The following CUL5 variants were observed in gnomAD, a reference collection of about 807,000 sequenced individuals.
CUL5 encodes cullin-5.
A neutral mutation model predicts 108.8 loss-of-function variants in CUL5; 26 were observed. The observed-to-expected ratio is 0.24, with a 90% CI of 0.18 to 0.33. CUL5 has a LOEUF of 0.33. Ranked by LOEUF, CUL5 falls within the 10% of genes least tolerant of loss-of-function variation. CUL5 has a pLI of 1.00. For missense variants in CUL5, 524 were observed against 909.2 expected, an observed-to-expected ratio of 0.58 and a Z score of 5.45; for synonymous variants, 334 against 298.0, an observed-to-expected ratio of 1.12 and a Z score of -1.25.
Position 108,009,199 on chromosome 11 carries a change from G to C in CUL5, c.-150G>C. 1 of 740,304 alleles carries C rather than the reference G, an allele frequency of 1.4e-6. No individual in the cohort carries two copies. Among genetic ancestry groups the C allele is most frequent in the Non-Finnish European group, 2.3e-6 (1 of 436,462 alleles). The allele number at this position is 740,304 out of a possible 1,614,324, so 45.9% of individuals were successfully genotyped here. A position where few individuals can be genotyped will look rare whatever the true frequency, so the allele number is the denominator to read the frequency against. ...GCTCCTGGTGCTTGGGACGAGGTCA[G>C]CGCTGTCGGCGCGCTGCTCCAGCGC... On this transcript the variant is annotated 5_prime_UTR_variant, in exon 1 of 19. Transcript: ENST00000393094.
At position 108,050,065 on chromosome 11, in the gene CUL5, A is replaced by G; in HGVS notation, c.410A>G (p.Lys137Arg). The G allele has an allele frequency of 6.3e-7, 1 of 1,585,830 alleles. No homozygotes were observed. The highest frequency in any genetic ancestry group is 1.2e-5 in the South Asian group (1 of 86,638). Reference sequence around the variant, plus strand: ...AATGTGGAAGACAGTATTGTTCGAAAGGTAAGACTATTTTTCTCCTTGTTT... The same window carrying G: ...AATGTGGAAGACAGTATTGTTCGAAGGGTAAGACTATTTTTCTCCTTGTTT... ...KSNVEDSIVR[K>R]LMLDTWNESI... is the part of the protein sequence containing the mutation. The change falls in exon 4 of 19, where the codon AAG (lysine) becomes AGG (arginine). Residue 137 changes from lysine (K) to arginine (R), a missense_variant and splice_region_variant. Lys to Arg is a conservative substitution (Grantham distance 26). Transcript: ENST00000393094.
At chr11:108,060,997 A>G (rs1186598215) in intron 7 of CUL5, among the ~76,000 whole-genome samples, 2 of 152,206 alleles carry the variant, frequency 1.3e-5, no homozygotes, top group African/African-American at 4.8e-5. Flanking sequence ...AGAGGAGGTT[A>G]AAACATCAAG....
chr11:108,090,067 T>C (rs1864313689), intron 13 of CUL5, among the ~76,000 whole-genome samples: 1 of 151,924 alleles, frequency 6.6e-6, no homozygotes, highest in African/African-American at 2.4e-5. Context: ...CCATCAATTA[T>C]ATAAAATAAA....
At chr11:108,028,666 GTC>G (rs758454936) in intron 1 of CUL5, among the ~76,000 whole-genome samples, 3 of 151,914 alleles carry the variant, frequency 2.0e-5, no homozygotes, top group Non-Finnish European at 2.9e-5. Context: ...GTGAAACCCC[GTC>G]TCTACTAAAA....
intron 4 of CUL5, among the ~76,000 whole-genome samples, chr11:108,051,130 A>T (rs1443120110): frequency 6.6e-6 from 1 of 152,208 alleles, no homozygotes; most frequent in Non-Finnish European, 1.5e-5. Flanking sequence ...TCTGATGTTG[A>T]CAGGGATACT....
intron 1 of CUL5, among the ~76,000 whole-genome samples, chr11:108,029,119 T>C (rs1306620561): frequency 6.6e-6 from 1 of 152,178 alleles, no homozygotes; most frequent in Non-Finnish European, 1.5e-5. Flanking sequence ...CATTGTCAAC[T>C]CCCTGTTGGC....
intron 18 of CUL5, among the ~76,000 whole-genome samples, chr11:108,100,884 C>G (rs576474186): frequency 6.6e-6 from 1 of 152,052 alleles, no homozygotes; most frequent in Non-Finnish European, 1.5e-5. Context: ...AAAAAACTAG[C>G]CAGGTGTAGT....
chr11:108,017,318 A>C (rs570616629), intron 1 of CUL5, among the ~76,000 whole-genome samples: 1 of 143,600 alleles, frequency 7.0e-6, no homozygotes, highest in South Asian at 2.3e-4. Flanking sequence ...TGAGCCCAGG[A>C]GGTTGAGGCT....
chr11:108,085,427 G>C lies in CUL5; in HGVS notation c.1179-3100G>C, dbSNP rs78649925. On this transcript the variant is annotated intron_variant, in intron 11 of 18. Transcript: ENST00000393094. ...TAAAAGTTACCAGGGGATGGGGAAG[G>C]GGGGGATGGGAAGTTACTGTTCCAT... 4.4e-3 allele frequency among the ~76,000 whole-genome samples: 670 copies of C among 152,158 alleles called. 4 individuals carry two copies. Among genetic ancestry groups the C allele is most frequent in the Non-Finnish European group, 6.5e-3 (444 of 68,002 alleles).
At chr11:108,101,413 T>A (rs899219985) in intron 18 of CUL5, among the ~76,000 whole-genome samples, 1 of 152,228 alleles carries the variant, frequency 6.6e-6, no homozygotes, top group Non-Finnish European at 1.5e-5. Context: ...GCAGATGAAT[T>A]TATGGTTCAT....
In CUL5 at chr11:108,107,374, C is replaced by G. The variant is rs1227321396; in HGVS notation, c.*2990C>G. 6.6e-6 allele frequency: 1 copy of G among 152,518 alleles called. No homozygotes were observed. Among genetic ancestry groups the G allele is most frequent in the Non-Finnish European group, 1.5e-5 (1 of 68,002 alleles). 9.4% of individuals were successfully genotyped at this position (152,518 alleles called of 1,614,324 possible). ...AACTTCAGTCTGGGTGAAAGATTTG[C>G]TAGTTTTACAGAAAGATTTGCTATC... On this transcript the variant is annotated 3_prime_UTR_variant, in exon 19 of 19. Transcript: ENST00000393094.
chr11:108,068,366 T>C (rs1480732966), intron 7 of CUL5, among the ~76,000 whole-genome samples: 1 of 152,128 alleles, frequency 6.6e-6, no homozygotes, highest in Non-Finnish European at 1.5e-5. Flanking sequence ...TCGCCCAGAC[T>C]ACACTGCAGT....
chr11:108,095,941 C>A (rs908598250), intron 16 of CUL5, among the ~76,000 whole-genome samples: 3 of 150,956 alleles, frequency 2.0e-5, no homozygotes. Flanking sequence ...ACTAAAAATA[C>A]AAAAATTAGC....
chr11:108,054,628 TTTA>T lies in CUL5; in HGVS notation c.554-16_554-14del, dbSNP rs1271910381. 17 of 1,501,880 alleles carry T rather than the reference TTTA, an allele frequency of 1.1e-5. No individual in the cohort carries two copies. Among genetic ancestry groups the T allele is most frequent in the Non-Finnish European group, 1.6e-5 (17 of 1,095,356 alleles). The allele number at this position is 1,501,880 out of a possible 1,614,324, so 93.0% of individuals were successfully genotyped here. A position where few individuals can be genotyped will look rare whatever the true frequency, so the allele number is the denominator to read the frequency against. The stretch of plus-strand genomic sequence containing the variant: ...ATTTTGATCATAATTGGAGTAATAC[TTTA>T]TTTTCTGTTTTTCAGTTAACCTTTG... On this transcript the variant is annotated splice_polypyrimidine_tract_variant and intron_variant, in intron 5 of 18. Coordinates refer to ENST00000393094, the MANE Select transcript of CUL5 (RefSeq NM_003478.6).
At chr11:108,044,823 G>A (rs1863027455) in intron 2 of CUL5, among the ~76,000 whole-genome samples, 1 of 151,610 alleles carries the variant, frequency 6.6e-6, no homozygotes, top group Non-Finnish European at 1.5e-5. Context: ...GTTCATTGGT[G>A]CCATCTTGGC....
chr11:108,065,761 A>AT (rs1863661705), intron 7 of CUL5, among the ~76,000 whole-genome samples: 1 of 152,150 alleles, frequency 6.6e-6, no homozygotes, highest in African/African-American at 2.4e-5. Flanking sequence ...ACCAGGTACT[A>AT]TGAGTGCCCA....
intron 13 of CUL5, among the ~76,000 whole-genome samples, chr11:108,089,881 A>T (rs535175729): frequency 3.9e-5 from 6 of 151,974 alleles, no homozygotes; most frequent in Admixed American, 3.9e-4. Flanking sequence ...CTCTACTAAA[A>T]ATACAAAAAT....
intron 3 of CUL5, among the ~76,000 whole-genome samples, chr11:108,047,289 T>C (rs1319613900): frequency 6.6e-6 from 1 of 152,054 alleles, no homozygotes; most frequent in African/African-American, 2.4e-5. Context: ...TGCACTCAGC[T>C]TGGGCAGCAG....
chr11:108,029,330 C>G (rs2135075729), intron 1 of CUL5, among the ~76,000 whole-genome samples: 1 of 152,286 alleles, frequency 6.6e-6, no homozygotes, highest in South Asian at 2.1e-4. Context: ...GATAGAGGGG[C>G]AGGAGTATGG....
Sources: gnomAD v4.1 joint callset for allele counts (sites outside exome capture counted in the v4.1 genomes callset) on GRCh38, gnomAD v4.1.1 for gene constraint, MANE v1.5 for transcripts, NCBI Gene and HGNC (gene_info 2026-07-23, HGNC 2026-07-21) for gene names.